RAD52: variants seen among roughly 807,000 people sequenced by gnomAD.
RAD52 encodes RAD52 DNA repair protein.
Under a neutral mutation model 55.5 loss-of-function variants are expected in RAD52, and 47 were observed. That is an observed-to-expected ratio of 0.85 (90% CI 0.67 to 1.08). The LOEUF is 1.08. RAD52 is among the 50% of genes least tolerant of loss of function. RAD52 has a pLI of 0.00. For missense variants in RAD52, 468 were observed against 522.8 expected, an observed-to-expected ratio of 0.90 and a Z score of 1.02; for synonymous variants, 184 against 198.9, an observed-to-expected ratio of 0.92 and a Z score of 0.63.
intron 1 of RAD52, among the ~76,000 whole-genome samples, chr12:984,928 G>A (rs1402980462): frequency 6.6e-6 from 1 of 152,122 alleles, no homozygotes; most frequent in Non-Finnish European, 1.5e-5. Context: ...GTCTCCCAAA[G>A]TGCTGGGATT....
intron 7 of RAD52, among the ~76,000 whole-genome samples, chr12:923,981 C>T (rs1221965545): frequency 1.3e-5 from 2 of 151,868 alleles, no homozygotes; most frequent in Admixed American, 6.6e-5. Flanking sequence ...ATGGCATGAA[C>T]CCGGGAGGCA....
At chr12:974,335 A>C (rs1343270765) in intron 1 of RAD52, 1 of 152,216 alleles carries the variant, frequency 6.6e-6, no homozygotes, top group Non-Finnish European at 1.5e-5. Context: ...CATGAAAAAC[A>C]AGACAAAAGA....
chr12:940,280 G>C (rs886217339), intron 1 of RAD52, among the ~76,000 whole-genome samples: 3 of 151,612 alleles, frequency 2.0e-5, no homozygotes, highest in African/African-American at 7.3e-5. Context: ...AGCCTTCTGG[G>C]AAGAAGGAGA....
intron 1 of RAD52, among the ~76,000 whole-genome samples, 199 bp from the exon 2 acceptor site, chr12:933,275 G>A (rs1484918948): frequency 6.6e-6 from 1 of 151,946 alleles, no homozygotes; most frequent in Non-Finnish European, 1.5e-5. Flanking sequence ...TGGCTAACAT[G>A]GTGAAACCCC....
At chr12:947,955 G>T (rs1196075267) in intron 1 of RAD52, among the ~76,000 whole-genome samples, 1 of 88,086 alleles carries the variant, frequency 1.1e-5, no homozygotes, top group African/African-American at 4.6e-5. Flanking sequence ...TGAATTACCT[G>T]ACCCAACCCA....
intron 1 of RAD52, among the ~76,000 whole-genome samples, chr12:937,899 T>C (rs1035758899): frequency 2.6e-4 from 39 of 152,166 alleles, no homozygotes; most frequent in African/African-American, 8.9e-4. Flanking sequence ...AAATGGTGCC[T>C]GACAGGAGCT....
intron 1 of RAD52, among the ~76,000 whole-genome samples, chr12:965,028 G>A (rs1458256530): frequency 1.3e-5 from 2 of 151,900 alleles, no homozygotes; most frequent in Admixed American, 1.3e-4. Flanking sequence ...TGCCTAGGCT[G>A]GAGTGCAATG....
At chr12:982,656 C>CTTTTTTTTT (rs34866890) in intron 1 of RAD52, among the ~76,000 whole-genome samples, 1 of 86,436 alleles carries the variant, frequency 1.2e-5, no homozygotes, top group Non-Finnish European at 2.0e-5. Flanking sequence ...ACAATCTAGA[C>CTTTTTTTTT]TTTTTTTTTT....
At chr12:950,354 G>A (rs192539332), upstream of RAD52, among the ~76,000 whole-genome samples, 4 of 152,202 alleles carry the variant, frequency 2.6e-5, no homozygotes, top group South Asian at 2.1e-4. Context: ...GGCTGATCAC[G>A]AGGTCAGGAG....
At chr12:963,179 G>C (rs1958711180) in intron 1 of RAD52, among the ~76,000 whole-genome samples, 1 of 152,152 alleles carries the variant, frequency 6.6e-6, no homozygotes, top group Non-Finnish European at 1.5e-5. Flanking sequence ...CATGTGAAAA[G>C]TATGGGTGGT....
intron 1 of RAD52, among the ~76,000 whole-genome samples, chr12:972,194 C>T (rs1402748408): frequency 1.3e-5 from 2 of 152,076 alleles, no homozygotes; most frequent in Admixed American, 6.6e-5. Context: ...AGGGGTGAAA[C>T]AGGTAATACA....
In RAD52 at chr12:916,964, C is replaced by G. The variant is rs11571462; in HGVS notation, c.544-144G>C. The G allele has an allele frequency of 2.0e-4, 222 of 1,094,720 alleles. No homozygotes were observed. In the African/African-American group the frequency reaches 3.3e-3, roughly 16 times the overall value. 67.8% of individuals were successfully genotyped at this position (1,094,720 alleles called of 1,614,324 possible). A position where few individuals can be genotyped will look rare whatever the true frequency, so the allele number is the denominator to read the frequency against. On this transcript the variant is annotated intron_variant, in intron 7 of 11. Transcript: ENST00000358495. The stretch of plus-strand genomic sequence containing the variant: ...CTTCTAGGTCCTGTAACTCCATGAG[C>G]AGGAGGAGCCAAACAATTTCATGTT...
chr12:970,812 A>C (rs1405034353), intron 1 of RAD52, among the ~76,000 whole-genome samples: 9 of 152,136 alleles, frequency 5.9e-5, no homozygotes, highest in Non-Finnish European at 1.0e-4. Flanking sequence ...ATCACAGCAA[A>C]GGGAATGTTC....
intron 1 of RAD52, among the ~76,000 whole-genome samples, chr12:971,655 T>C (rs891738711): frequency 3.3e-5 from 5 of 152,248 alleles, no homozygotes; most frequent in Non-Finnish European, 5.9e-5. Flanking sequence ...GTCTTTTCTA[T>C]AAAATTTGTG....
At chr12:958,915 G>T (rs906837541) in intron 1 of RAD52, among the ~76,000 whole-genome samples, 1 of 152,122 alleles carries the variant, frequency 6.6e-6, no homozygotes, top group Non-Finnish European at 1.5e-5. Context: ...TCATAACATT[G>T]TGTGTCTTTG....
intron 1 of RAD52, among the ~76,000 whole-genome samples, chr12:939,221 T>C (rs1469282442): frequency 5.3e-5 from 8 of 152,094 alleles, no homozygotes; most frequent in African/African-American, 1.9e-4. Flanking sequence ...GAGGCGATCA[T>C]GGCTCACCGT....
intron 1 of RAD52, among the ~76,000 whole-genome samples, chr12:979,514 G>A (rs1373265986): frequency 1.3e-5 from 2 of 152,100 alleles, no homozygotes; most frequent in African/African-American, 4.8e-5. Flanking sequence ...GTCCTTGTCA[G>A]AAGAGACACC....
intron 6 of RAD52, among the ~76,000 whole-genome samples, chr12:925,819 GAACA>G (rs2154112684): frequency 6.6e-6 from 1 of 150,864 alleles, no homozygotes; most frequent in East Asian, 2.0e-4. Context: ...CTGACATGGA[GAACA>G]AACTGCAGAG....
chr12:957,195 T>C (rs1191402864), intron 1 of RAD52, among the ~76,000 whole-genome samples: 4 of 152,220 alleles, frequency 2.6e-5, no homozygotes, highest in African/African-American at 7.2e-5. Context: ...CAGTGGCTCA[T>C]GCCTATATTC....
Sources: allele counts gnomAD v4.1 joint callset (sites outside exome capture counted in the v4.1 genomes callset), GRCh38; gene constraint gnomAD v4.1.1; transcripts MANE v1.5; gene names NCBI Gene and HGNC (gene_info 2026-07-23, HGNC 2026-07-21).